The following CLEC9A variants were observed in gnomAD, a reference collection of about 807,000 sequenced individuals.
CLEC9A encodes C-type lectin domain containing 9A, also known as C-type lectin domain family 9 member A.
A neutral mutation model predicts 30.0 loss-of-function variants in CLEC9A; 24 were observed. The observed-to-expected ratio is 0.80, with a 90% CI of 0.58 to 1.13. CLEC9A has a LOEUF of 1.13. Ranked by LOEUF, CLEC9A falls within the 50% of genes most tolerant of loss-of-function variation. The pLI, the probability that CLEC9A is intolerant of heterozygous loss-of-function variation, is 0.00. For synonymous variants in CLEC9A, 111 were observed against 96.8 expected, an observed-to-expected ratio of 1.15 and a Z score of -0.86; for missense variants, 251 against 280.9, an observed-to-expected ratio of 0.89 and a Z score of 0.76.
At chr12:10,048,922 C>G (rs1020705496) in intron 2 of CLEC9A, among the ~76,000 whole-genome samples, 5 of 152,156 alleles carry the variant, frequency 3.3e-5, no homozygotes, top group African/African-American at 4.8e-5. Context: ...TTTCAATTTA[C>G]TTTGCTCTGA....
chr12:10,031,001 G>A (rs1865691032), intron 1 of CLEC9A, 29 bp downstream of exon 1: 1 of 152,182 alleles, frequency 6.6e-6, no homozygotes, highest in Non-Finnish European at 1.5e-5. Flanking sequence ...AGGGTGGAAG[G>A]TATGTCATTA....
rs188610644 is a variant in CLEC9A at position 10,064,762 on chromosome 12, A to C, written c.502A>C (p.Lys168Gln). ...DFITGSLRKIKGSYDYWVGLS... is the reference protein window; with the variant it reads ...DFITGSLRKIQGSYDYWVGLS... ...TATCACTGGCAGCTTGAGGAAGATT[A>C]AAGGAAGCTATGATTACTGGGTGGG... is the stretch of plus-strand genomic sequence containing the variant. Residue 168 changes from lysine to glutamine, a missense_variant, in exon 8 of 9, where the codon AAA becomes CAA. Lys to Gln is a moderately conservative substitution (Grantham distance 53, BLOSUM62 1). Transcript: ENST00000355819. The C allele has an allele frequency of 1.9e-6, 3 of 1,612,420 alleles. No homozygotes were observed. In the African/African-American group the frequency reaches 4.0e-5, roughly 22 times the overall value.
Position 10,052,052 on chromosome 12 carries a change from G to A in CLEC9A, c.-101G>A, listed in dbSNP as rs570090764. The A allele has an allele frequency of 3.9e-5, 6 of 152,294 alleles. No individual in the cohort carries two copies. The East Asian group carries it at 1.2e-3, about 29-fold the overall frequency. The allele number at this position is 152,294 out of a possible 1,614,324, so 9.4% of individuals were successfully genotyped here. ...GAAAGAATCCCAAGTCTCATTTGGA[G>A]GAATGCTATCACTAACTAGGATTCC... On this transcript the variant is annotated 5_prime_UTR_variant, in exon 3 of 9. Coordinates refer to ENST00000355819, the MANE Select transcript of CLEC9A (RefSeq NM_207345.4).
chr12:10,044,938 C>T (rs1012646571), intron 2 of CLEC9A, among the ~76,000 whole-genome samples: 7 of 152,164 alleles, frequency 4.6e-5, no homozygotes, highest in African/African-American at 7.2e-5. Context: ...TCGTGATAAA[C>T]GGTCTAGAAG....
intron 1 of CLEC9A, among the ~76,000 whole-genome samples, chr12:10,038,933 A>G (rs1023106275): frequency 6.6e-6 from 1 of 152,256 alleles, no homozygotes; most frequent in African/African-American, 2.4e-5. Context: ...ATGAGGATGG[A>G]TGTGTGGTAT....
At chr12:10,037,583 C>T (rs1439133168) in intron 1 of CLEC9A, among the ~76,000 whole-genome samples, 8 of 152,074 alleles carry the variant, frequency 5.3e-5, no homozygotes, top group Non-Finnish European at 1.0e-4. Flanking sequence ...ATTCACCTAA[C>T]GTTCACATTT....
intron 4 of CLEC9A, among the ~76,000 whole-genome samples, chr12:10,053,007 G>T (rs1308277599): frequency 6.6e-6 from 1 of 151,932 alleles, no homozygotes; most frequent in South Asian, 2.1e-4. Context: ...TGCCTCTCTA[G>T]AAAAGAAAAG....
chr12:10,038,696 A>C (rs953701263), intron 1 of CLEC9A, among the ~76,000 whole-genome samples: 3 of 152,208 alleles, frequency 2.0e-5, no homozygotes, highest in African/African-American at 7.2e-5. Flanking sequence ...CAATAAACAC[A>C]TCAGCTAGCT....
chr12:10,044,032 G>A (rs555588098), intron 2 of CLEC9A, among the ~76,000 whole-genome samples: 6 of 152,238 alleles, frequency 3.9e-5, no homozygotes, highest in African/African-American at 1.4e-4. Context: ...ACAGTTGAAA[G>A]TTGTAAACTT....
At chr12:10,034,702 C>T (rs930089262) in intron 1 of CLEC9A, among the ~76,000 whole-genome samples, 1 of 152,146 alleles carries the variant, frequency 6.6e-6, no homozygotes, top group Non-Finnish European at 1.5e-5. Flanking sequence ...GGAGGTATGG[C>T]TCGCTTCTTC....
In CLEC9A at chr12:10,052,606, C is replaced by G. The variant is rs563777818; in HGVS notation, c.-58-24C>G. 9.6e-6 allele frequency: 15 copies of G among 1,559,794 alleles called. No homozygotes were observed. In the African/African-American group the frequency reaches 2.1e-4, roughly 21 times the overall value. On this transcript the variant is annotated intron_variant, in intron 3 of 8. Coordinates refer to ENST00000355819, the MANE Select transcript of CLEC9A (RefSeq NM_207345.4). Reference sequence around the variant, plus strand: ...AAAATGTAACCAATTTCAGTTCTTACACCAACCTGCTCCAAACCACAAGAG... The same window carrying G: ...AAAATGTAACCAATTTCAGTTCTTAGACCAACCTGCTCCAAACCACAAGAG...
At chr12:10,065,129 C>T (rs915621925) in intron 8 of CLEC9A, among the ~76,000 whole-genome samples, 3 of 152,066 alleles carry the variant, frequency 2.0e-5, no homozygotes, top group African/African-American at 2.4e-5. Flanking sequence ...TCTTTTGTAT[C>T]GCTTAATGTT....
At position 10,064,433 on chromosome 12, in the gene CLEC9A, G is replaced by A. The variant is rs192258853; in HGVS notation, c.472-299G>A. Among the ~76,000 whole-genome samples, 688 of 152,224 alleles carry A rather than the reference G, an allele frequency of 4.5e-3. 4 individuals are homozygous for A. The highest frequency in any genetic ancestry group is 0.016 in the African/African-American group (654 of 41,554). On this transcript the variant is annotated intron_variant, in intron 7 of 8. Transcript: ENST00000355819. Reference sequence around the variant, plus strand: ...GAATATTTTTATTTTTGATAACGAAGGTTCAGTATAACACTTTCTTTTTTT... The same window carrying A: ...GAATATTTTTATTTTTGATAACGAAAGTTCAGTATAACACTTTCTTTTTTT...
At chr12:10,063,337 T>A in intron 7 of CLEC9A, 131 bp downstream of exon 7, 1 of 876,042 alleles carries the variant, frequency 1.1e-6, no homozygotes. Flanking sequence ...AATAAAGGTT[T>A]AAAAGAAACA....
At chr12:10,059,647 G>A (rs1865978051) in intron 5 of CLEC9A, among the ~76,000 whole-genome samples, 1 of 152,158 alleles carries the variant, frequency 6.6e-6, no homozygotes, top group African/African-American at 2.4e-5. Context: ...TACAGGCCAG[G>A]TGTGGTGGCT....
At chr12:10,033,243 T>C (rs966517494) in intron 1 of CLEC9A, among the ~76,000 whole-genome samples, 21 of 152,156 alleles carry the variant, frequency 1.4e-4, no homozygotes. Flanking sequence ...TTTAAAATGT[T>C]GTTGTGTCCC....
At chr12:10,045,662 G>A (rs199632018) in intron 2 of CLEC9A, 5 of 234,124 alleles carry the variant, frequency 2.1e-5, no homozygotes, top group East Asian at 2.0e-4. Flanking sequence ...CACAGATAAG[G>A]GCTTTATTGC....
At chr12:10,060,745 C>A in intron 5 of CLEC9A, 1 of 208,464 alleles carries the variant, frequency 4.8e-6, no homozygotes. Flanking sequence ...GGTGCAAAAC[C>A]ATGTAAATAT....
At chr12:10,055,258 T>G (rs1865931081) in intron 5 of CLEC9A, among the ~76,000 whole-genome samples, 1 of 152,232 alleles carries the variant, frequency 6.6e-6, no homozygotes, top group Non-Finnish European at 1.5e-5. Flanking sequence ...TCTTTGGGTC[T>G]TATTAAAAAA....
Sources: allele counts gnomAD v4.1 joint callset (sites outside exome capture counted in the v4.1 genomes callset), GRCh38; gene constraint gnomAD v4.1.1; transcripts MANE v1.5; gene names NCBI Gene and HGNC (gene_info 2026-07-23, HGNC 2026-07-21).